The following GPATCH2 variants were observed in gnomAD, a reference collection of about 807,000 sequenced individuals.
GPATCH2 encodes the protein G-patch domain containing 2, also known as G patch domain-containing protein 2.
In GPATCH2, 51 loss-of-function variants were observed where a neutral mutation model predicts 58.0. The ratio of observed to expected loss-of-function variants is 0.88; its 90% CI spans 0.70 to 1.11. The LOEUF (loss-of-function observed/expected upper bound fraction) is 1.11, where lower values mean the gene tolerates loss of function less well. Ranked by LOEUF, GPATCH2 falls within the 50% of genes most tolerant of loss-of-function variation. GPATCH2 has a pLI of 0.00. For synonymous variants in GPATCH2, 222 were observed against 218.5 expected (o/e 1.02, Z -0.14); for missense variants, 625 against 652.2 (o/e 0.96, Z 0.45).
chr1:217,572,836 G>A (rs1666630346), intron 5 of GPATCH2, among the ~76,000 whole-genome samples: 1 of 152,204 alleles, frequency 6.6e-6, no homozygotes, highest in African/African-American at 2.4e-5. Context: ...CCACACATAT[G>A]AGAGAGAAAA....
chr1:217,503,251 C>G (rs1260982837), intron 6 of GPATCH2, among the ~76,000 whole-genome samples: 2 of 151,978 alleles, frequency 1.3e-5, no homozygotes, highest in African/African-American at 4.8e-5. Context: ...CTGGAGGGGC[C>G]ACTGGTGAAC....
intron 5 of GPATCH2, among the ~76,000 whole-genome samples, chr1:217,561,883 A>T (rs1186463906): frequency 6.6e-6 from 1 of 152,188 alleles, no homozygotes; most frequent in African/African-American, 2.4e-5. Context: ...GGCAATGGCA[A>T]GCCCTTAAGG....
intron 8 of GPATCH2, among the ~76,000 whole-genome samples, chr1:217,451,026 A>C (rs1372699814): frequency 6.6e-6 from 1 of 152,178 alleles, no homozygotes. Flanking sequence ...ATACAAAGGA[A>C]ATGAAACTTT....
At position 217,464,904 on chromosome 1, in the gene GPATCH2, G is replaced by A. The variant is rs770786131; in HGVS notation, c.1278-15567C>T. Among the ~76,000 whole-genome samples, 56 of 152,086 alleles carry A rather than the reference G, an allele frequency of 3.7e-4. 1 individual carries two copies. Among genetic ancestry groups the A allele is most frequent in the Admixed American group, 1.0e-3 (16 of 15,258 alleles). On this transcript the variant is annotated intron_variant, in intron 8 of 9. Coordinates refer to ENST00000366935, the MANE Select transcript of GPATCH2 (RefSeq NM_018040.5). The stretch of plus-strand genomic sequence containing the variant: ...GGAAAAAATAAGGTCCTTAGAGACC[G>A]TAAGAGTACTCTAGATATGCCCACA...
chr1:217,510,940 CA>C (rs983017579), intron 6 of GPATCH2, among the ~76,000 whole-genome samples: 2 of 151,156 alleles, frequency 1.3e-5, no homozygotes, highest in African/African-American at 4.9e-5. Flanking sequence ...TAAAAAAATA[CA>C]AAAAAAATTA....
intron 5 of GPATCH2, among the ~76,000 whole-genome samples, chr1:217,524,162 G>A (rs553621115): frequency 6.7e-5 from 10 of 150,178 alleles, no homozygotes; most frequent in African/African-American, 2.2e-4. Flanking sequence ...GCCGGGCGGA[G>A]GCTCCTCACT....
In GPATCH2 at chr1:217,514,854, C is replaced by A; in HGVS notation, c.1134G>T (p.Met378Ile). 6.5e-7 allele frequency: 1 copy of A among 1,539,380 alleles called. No homozygotes were observed. Among genetic ancestry groups the A allele is most frequent in the African/African-American group, 1.4e-5 (1 of 73,622 alleles). Residue 378 changes from methionine to isoleucine, a missense_variant, in exon 6 of 10, where the codon ATG (methionine) becomes ATT (isoleucine). Met to Ile is a conservative substitution (Grantham distance 10). Coordinates refer to ENST00000366935, the MANE Select transcript of GPATCH2 (RefSeq NM_018040.5). ...GATGAGAATCCGGGGAAAAATGAAC[C>A]ATTCTCTTGTTACCCACTGGGCCAG... ...PIPGPVGNKRMVHFSPDSHHH... is the reference protein window; with the variant it reads ...PIPGPVGNKRIVHFSPDSHHH...
At chr1:217,489,628 C>T (rs1254957503) in intron 8 of GPATCH2, among the ~76,000 whole-genome samples, 1 of 151,966 alleles carries the variant, frequency 6.6e-6, no homozygotes. Context: ...TTTGGGAGGC[C>T]AAGGCAAGCA....
intron 8 of GPATCH2, among the ~76,000 whole-genome samples, chr1:217,455,519 T>C (rs1035505430): frequency 2.0e-5 from 3 of 152,208 alleles, no homozygotes; most frequent in African/African-American, 7.2e-5. Context: ...GTCCTGTTAG[T>C]GCCTCTTCCA....
At chr1:217,540,725 AC>A (rs1664696637) in intron 5 of GPATCH2, among the ~76,000 whole-genome samples, 1 of 152,220 alleles carries the variant, frequency 6.6e-6, no homozygotes, top group African/African-American at 2.4e-5. Flanking sequence ...CATGAAAAAA[AC>A]ATCCAAATGT....
intron 5 of GPATCH2, chr1:217,608,391 T>C: frequency 1.0e-6 from 1 of 984,658 alleles, no homozygotes; most frequent in Non-Finnish European, 1.2e-6. Flanking sequence ...ATATATAGTA[T>C]GTCTCCATCA....
rs144300097 is a variant in GPATCH2, at chr1:217,506,509, A to G, written c.1167-8114T>C. 6.6e-3 allele frequency among the ~76,000 whole-genome samples: 1,011 copies of G among 152,338 alleles called. 7 individuals carry two copies. The highest frequency in any genetic ancestry group is 0.023 in the African/African-American group (947 of 41,580). On this transcript the variant is annotated intron_variant, in intron 6 of 9. Transcript: ENST00000366935. Reference sequence around the variant, plus strand: ...AGAAGCCATGTGGCTAGGTAAGAACAGATCTTGGTAGCAGTCATAAGGAGG... The same window carrying G: ...AGAAGCCATGTGGCTAGGTAAGAACGGATCTTGGTAGCAGTCATAAGGAGG...
chr1:217,526,145 A>G (rs1663894714), intron 5 of GPATCH2, among the ~76,000 whole-genome samples: 1 of 152,218 alleles, frequency 6.6e-6, no homozygotes, highest in South Asian at 2.1e-4. Context: ...GCTGGTTTTT[A>G]TAATTAAAAG....
intron 8 of GPATCH2, among the ~76,000 whole-genome samples, chr1:217,485,714 G>A (rs1661425347): frequency 6.6e-6 from 1 of 152,104 alleles, no homozygotes; most frequent in South Asian, 2.1e-4. Flanking sequence ...AGGCTCTATG[G>A]TATAGCCTAT....
intron 8 of GPATCH2, among the ~76,000 whole-genome samples, chr1:217,477,241 C>G (rs1326772632): frequency 6.6e-6 from 1 of 152,094 alleles, no homozygotes; most frequent in Non-Finnish European, 1.5e-5. Context: ...TACCTAGGTA[C>G]CACACTGAGG....
In GPATCH2 at chr1:217,479,648, T is replaced by C. The variant is rs554165537; in HGVS notation, c.1277+12032A>G. Among the ~76,000 whole-genome samples, 31 of 151,922 alleles carry C rather than the reference T, an allele frequency of 2.0e-4. No individual in the cohort carries two copies. In the South Asian group the frequency reaches 3.5e-3, roughly 17 times the overall value. On this transcript the variant is annotated intron_variant, in intron 8 of 9. Transcript: ENST00000366935. Reference sequence around the variant, plus strand: ...GAAAACAAATAAAAAATGGCTGGAGTAAGTCCTTACTTATCAATAATAAAA... The same window carrying C: ...GAAAACAAATAAAAAATGGCTGGAGCAAGTCCTTACTTATCAATAATAAAA...
At chr1:217,505,560 T>G (rs1022843330) in intron 6 of GPATCH2, among the ~76,000 whole-genome samples, 1 of 152,156 alleles carries the variant, frequency 6.6e-6, no homozygotes. Flanking sequence ...TAATATTATA[T>G]GTAGACAAAA....
chr1:217,523,085 A>C (rs1663553863), intron 5 of GPATCH2, among the ~76,000 whole-genome samples: 1 of 151,908 alleles, frequency 6.6e-6, no homozygotes, highest in Non-Finnish European at 1.5e-5. Context: ...ATTCAAAATG[A>C]AATAGCAATT....
At chr1:217,449,507 G>A (rs892888425) in intron 8 of GPATCH2, among the ~76,000 whole-genome samples, 170 bp from the exon 9 acceptor site, 1 of 152,112 alleles carries the variant, frequency 6.6e-6, no homozygotes, top group Non-Finnish European at 1.5e-5. Flanking sequence ...GTTGACAAGC[G>A]TTCAGCAGCT....
Sources: allele counts gnomAD v4.1 joint callset (sites outside exome capture counted in the v4.1 genomes callset), GRCh38; gene constraint gnomAD v4.1.1; transcripts MANE v1.5; gene names NCBI Gene and HGNC (gene_info 2026-07-23, HGNC 2026-07-21).